The following DENND2A variants were observed in gnomAD, a reference collection of about 807,000 sequenced individuals.
DENND2A encodes the protein DENN domain-containing protein 2A.
Under a neutral mutation model 105.3 loss-of-function variants are expected in DENND2A, and 53 were observed. That is an observed-to-expected ratio of 0.50 (90% CI 0.40 to 0.63). DENND2A has a LOEUF of 0.63. Ranked by LOEUF, DENND2A falls within the 30% of genes least tolerant of loss-of-function variation. DENND2A has a pLI of 0.00. For synonymous variants in DENND2A, 522 were observed against 508.4 expected (o/e 1.03, Z -0.36); for missense variants, 1,138 against 1,279.6 (o/e 0.89, Z 1.69).
At chr7:140,597,742 C>T (rs908245634) in intron 3 of DENND2A, among the ~76,000 whole-genome samples, 9 of 152,196 alleles carry the variant, frequency 5.9e-5, no homozygotes, top group Non-Finnish European at 2.9e-5. Flanking sequence ...CCAGAATCAA[C>T]CTGTCCCTGG....
At chr7:140,593,865 G>A (rs1337224244) in intron 3 of DENND2A, among the ~76,000 whole-genome samples, 1 of 151,860 alleles carries the variant, frequency 6.6e-6, no homozygotes, top group Non-Finnish European at 1.5e-5. Flanking sequence ...CAGTCTCCAG[G>A]CTGCTGACAG....
intron 3 of DENND2A, among the ~76,000 whole-genome samples, chr7:140,588,130 C>T (rs1470220891): frequency 6.6e-6 from 1 of 152,052 alleles, no homozygotes; most frequent in Non-Finnish European, 1.5e-5. Flanking sequence ...AGGCTGGTCT[C>T]GAACTCCTGA....
intron 3 of DENND2A, among the ~76,000 whole-genome samples, chr7:140,599,422 C>A (rs1174420639): frequency 6.6e-6 from 1 of 151,662 alleles, no homozygotes; most frequent in Non-Finnish European, 1.5e-5. Flanking sequence ...CAGAATGGAG[C>A]CAGAGAAAAA....
rs533657671 is a variant in DENND2A, at chr7:140,617,365, T to G, written c.-247-11559A>C. On this transcript the variant is annotated intron_variant, in intron 1 of 19. Transcript: ENST00000496613. ...AAAGGAGGCCTCAGGACCAGGAGCA[T>G]CAACGGAGTAATTTCAGGAATTTCT... Among the ~76,000 whole-genome samples the G allele has an allele frequency of 1.1e-3, 162 of 152,204 alleles. 1 individual carries two copies. Among genetic ancestry groups the G allele is most frequent in the Non-Finnish European group, 1.9e-3 (132 of 68,030 alleles).
chr7:140,534,924 G>T (rs1563122819), intron 14 of DENND2A, among the ~76,000 whole-genome samples: 1 of 152,180 alleles, frequency 6.6e-6, no homozygotes, highest in African/African-American at 2.4e-5. Context: ...GGTGAGAAGG[G>T]TTGGGTCCAA....
chr7:140,581,330 T>C (rs1798533442), intron 5 of DENND2A, among the ~76,000 whole-genome samples: 1 of 152,164 alleles, frequency 6.6e-6, no homozygotes, highest in Non-Finnish European at 1.5e-5. Flanking sequence ...TTCAGGAGCT[T>C]GCAGTTTGCG....
chr7:140,602,275 G>T lies in DENND2A; in HGVS notation c.123C>A (p.His41Gln), dbSNP rs747931112. The T allele has an allele frequency of 6.2e-7, 1 of 1,611,952 alleles. No homozygotes were observed. Among genetic ancestry groups the T allele is most frequent in the Non-Finnish European group, 8.5e-7 (1 of 1,180,018 alleles). The change falls in exon 3 of 20, where the codon CAC becomes CAA. Residue 41 changes from histidine to glutamine, a missense_variant. His to Gln is a conservative substitution (Grantham distance 24, BLOSUM62 0). Transcript: ENST00000496613. ...TCTTGTCCTTTATGTTGAGGGACTTGTGCCGGGGTCTGGCTCTGGCAGATG... is the reference window on the plus strand; with the variant it reads ...TCTTGTCCTTTATGTTGAGGGACTTTTGCCGGGGTCTGGCTCTGGCAGATG... ...PCPSARARPR[H>Q]KSLNIKDKIS...
In DENND2A at chr7:140,527,255, C is replaced by T. The variant is rs927460652; in HGVS notation, c.2505+63G>A. ...GAACCGCTCCATGATGCCTGCAGAG[C>T]CAGCGCCCCGCTCTGTTCTCCGCAC... is the stretch of plus-strand genomic sequence containing the variant. On this transcript the variant is annotated intron_variant, in intron 15 of 19. Transcript: ENST00000496613. This position sits in a 1 kb window ranked among gnomAD's most constrained non-coding sequence, Gnocchi z 4.9. 5.5e-6 allele frequency: 8 copies of T among 1,462,316 alleles called. No individual in the cohort carries two copies. Among genetic ancestry groups the T allele is most frequent in the Non-Finnish European group, 7.3e-6 (8 of 1,096,598 alleles). The allele number at this position is 1,462,316 out of a possible 1,614,324, so 90.6% of individuals were successfully genotyped here. A position where few individuals can be genotyped will look rare whatever the true frequency, so the allele number is the denominator to read the frequency against.
intron 7 of DENND2A, 85 bp from the exon 8 acceptor site, chr7:140,568,898 A>G (rs1797978309): frequency 7.3e-7 from 1 of 1,371,974 alleles, no homozygotes; most frequent in Admixed American, 1.7e-5. Context: ...CACAGATCAA[A>G]TGTTCTAATT....
rs1240189082 is a variant in DENND2A, at chr7:140,522,097, G to A, written c.2669C>T (p.Pro890Leu). ...DEGPLDGRHG[P>L]ESSPLNEVVS... The stretch of plus-strand genomic sequence containing the variant: ...CACCTCGTTCAAGGGGCTGGACTCT[G>A]GACCTGAGTAAGGGGAGGAAAGGCC... Residue 890 changes from proline (P) to leucine (L), a missense_variant, in exon 18 of 20, where the codon CCA becomes CTA. Physicochemically the swap from Pro to Leu is moderately conservative, Grantham distance 98. This residue lies in a region of DENND2A where 627 missense variants were observed against 779.8 expected (regional missense o/e 0.80). Transcript: ENST00000496613. The A allele has an allele frequency of 2.5e-6, 4 of 1,613,966 alleles. No homozygotes were observed. The South Asian group carries it at 4.4e-5, about 18-fold the overall frequency.
chr7:140,541,922 G>A (rs920489460), intron 14 of DENND2A, among the ~76,000 whole-genome samples: 2 of 152,206 alleles, frequency 1.3e-5, no homozygotes, highest in African/African-American at 4.8e-5. Flanking sequence ...GCCGCTTCCC[G>A]CCCCGCCTCC....
chr7:140,585,227 A>G (rs1798729022), intron 5 of DENND2A, among the ~76,000 whole-genome samples: 1 of 152,170 alleles, frequency 6.6e-6, no homozygotes, highest in African/African-American at 2.4e-5. Flanking sequence ...ACAACCCACA[A>G]ATGGCAAAAT....
rs1797535261 is a variant in DENND2A at position 140,559,676 on chromosome 7, T to C, written c.1889+32A>G. Reference sequence around the variant, plus strand: ...CGTCTCTAAGTCTCGCCTTAGTCTTTGGGGCTGCGAAGGGGAGAAGCCAGC... The same window carrying C: ...CGTCTCTAAGTCTCGCCTTAGTCTTCGGGGCTGCGAAGGGGAGAAGCCAGC... On this transcript the variant is annotated intron_variant, in intron 10 of 19. Coordinates refer to ENST00000496613, the MANE Select transcript of DENND2A (RefSeq NM_015689.5). This position sits in a 1 kb window ranked among gnomAD's most constrained non-coding sequence, Gnocchi z 4.1. 1 of 1,523,076 alleles carries C rather than the reference T, an allele frequency of 6.6e-7. No individual in the cohort carries two copies. Among genetic ancestry groups the C allele is most frequent in the African/African-American group, 1.4e-5 (1 of 73,118 alleles). The allele number at this position is 1,523,076 out of a possible 1,614,324, so 94.3% of individuals were successfully genotyped here.
At position 140,587,720 on chromosome 7, in the gene DENND2A, C is replaced by T; in HGVS notation, c.1056G>A (p.Trp352Ter). Reference sequence around the variant, plus strand: ...TCAGCCCCAGCTTAGTCTGCGCGTACCAGTCCACCCTGCTGCTCTCAGAGG... The same window carrying T: ...TCAGCCCCAGCTTAGTCTGCGCGTATCAGTCCACCCTGCTGCTCTCAGAGG... ...QSSSESSRVD[W>*]YAQTKLGLTR... The change falls in exon 4 of 20, where the codon TGG becomes TGA. Residue 352 changes from tryptophan to a stop codon, truncating the protein, a stop_gained. Coordinates refer to ENST00000496613, the MANE Select transcript of DENND2A (RefSeq NM_015689.5). LOFTEE classifies it high-confidence loss of function. The T allele has an allele frequency of 6.2e-7, 1 of 1,613,018 alleles. No individual in the cohort carries two copies. The highest frequency in any genetic ancestry group is 8.5e-7 in the Non-Finnish European group (1 of 1,179,126).
At chr7:140,533,446 G>A (rs1796340847) in intron 14 of DENND2A, among the ~76,000 whole-genome samples, 2 of 152,178 alleles carry the variant, frequency 1.3e-5, no homozygotes, top group South Asian at 4.1e-4. Flanking sequence ...TGACAGAGAG[G>A]CCCCCAGGGC....
chr7:140,587,671 C>T lies in DENND2A; in HGVS notation c.1105G>A (p.Val369Ile), dbSNP rs375197864. 7.2e-5 allele frequency: 117 copies of T among 1,613,856 alleles called. No individual in the cohort carries two copies. The highest frequency in any genetic ancestry group is 3.3e-4 in the Middle Eastern group (2 of 6,034). ...TTCTTACCTAGAATGTCTTCATAGACGTTCTCCTCCGATAAAGTGCGTGTC... is the reference window on the plus strand; with the variant it reads ...TTCTTACCTAGAATGTCTTCATAGATGTTCTCCTCCGATAAAGTGCGTGTC... ...GLTRTLSEEN[V>I]YEDILDPPMK... The change falls in exon 4 of 20, where the codon GTC becomes ATC. Residue 369 changes from valine to isoleucine, a missense_variant. Coordinates refer to ENST00000496613, the MANE Select transcript of DENND2A (RefSeq NM_015689.5).
chr7:140,529,132 A>C (rs150196705), intron 14 of DENND2A, among the ~76,000 whole-genome samples: 1 of 152,126 alleles, frequency 6.6e-6, no homozygotes, highest in Non-Finnish European at 1.5e-5. Context: ...ACCAAAAAAA[A>C]CACTGGGAGA....
In DENND2A at chr7:140,544,639, A is replaced by G; in HGVS notation, c.2306T>C (p.Ile769Thr). 1 of 1,614,188 alleles carries G rather than the reference A, an allele frequency of 6.2e-7. No individual in the cohort carries two copies. Among genetic ancestry groups the G allele is most frequent in the Non-Finnish European group, 8.5e-7 (1 of 1,180,040 alleles). ...GTACCTGAGCTTGTCTGCAATGAAG[A>G]TGACCCTCCTCTCCAGAAGCAGGGA... ...FASLLLERRV[I>T]FIADKLSILS... is the part of the protein sequence containing the mutation. Residue 769 changes from isoleucine to threonine, a missense_variant, in exon 14 of 20, where the codon ATC becomes ACC. Transcript: ENST00000496613.
At chr7:140,588,376 G>A (rs1798873701) in intron 3 of DENND2A, among the ~76,000 whole-genome samples, 1 of 152,054 alleles carries the variant, frequency 6.6e-6, no homozygotes, top group Non-Finnish European at 1.5e-5. Flanking sequence ...AAAGGGGGCC[G>A]GGAGCAGTGG....
Sources: allele counts gnomAD v4.1 joint callset (sites outside exome capture counted in the v4.1 genomes callset), GRCh38; gene constraint gnomAD v4.1.1; regional missense constraint gnomAD v4.1.1; non-coding constraint Gnocchi (gnomAD v3.1); transcripts MANE v1.5; gene names NCBI Gene and HGNC (gene_info 2026-07-23, HGNC 2026-07-21).